Variants in NRG1 observed in about 807,000 individuals in gnomAD.
NRG1 encodes pro-neuregulin-1, membrane-bound isoform.
A neutral mutation model predicts 63.8 loss-of-function variants in NRG1; 18 were observed. That is an observed-to-expected ratio of 0.28 (90% CI 0.19 to 0.42). The LOEUF (loss-of-function observed/expected upper bound fraction) is 0.42. Ranked by LOEUF, NRG1 falls within the 10% of genes least tolerant of loss-of-function variation. The pLI, the probability that NRG1 is intolerant of heterozygous loss-of-function variation, is 1.00. For synonymous variants in NRG1, 302 were observed against 301.3 expected (o/e 1.00, Z -0.02); for missense variants, 762 against 814.7 (o/e 0.94, Z 0.79).
chr8:31,951,384 G>A (rs1306352087), intron 1 of NRG1, among the ~76,000 whole-genome samples: 4 of 152,174 alleles, frequency 2.6e-5, no homozygotes, highest in South Asian at 2.1e-4. Context: ...CTCCAGCCCC[G>A]TGAGTTGGAA....
At chr8:32,530,722 G>C (rs1259770943) in intron 1 of NRG1, among the ~76,000 whole-genome samples, 1 of 152,090 alleles carries the variant, frequency 6.6e-6, no homozygotes, top group African/African-American at 2.4e-5. Context: ...TTCTGTTCTA[G>C]TGAATAATGA....
chr8:32,257,381 T>C (rs188045945), intron 1 of NRG1, among the ~76,000 whole-genome samples: 1 of 152,176 alleles, frequency 6.6e-6, no homozygotes, highest in Non-Finnish European at 1.5e-5. Flanking sequence ...GGTAACCAGT[T>C]TTGTGCTTCA....
At chr8:32,427,178 A>C (rs1011366683) in intron 1 of NRG1, among the ~76,000 whole-genome samples, 1 of 152,202 alleles carries the variant, frequency 6.6e-6, no homozygotes, top group African/African-American at 2.4e-5. Context: ...TTAACTCTTT[A>C]AGCCCATAGA....
rs185031944 is a variant in NRG1, at chr8:31,649,422, G to A, written c.37+9991G>A. Among the ~76,000 whole-genome samples the A allele has an allele frequency of 7.2e-5, 11 of 152,274 alleles. No individual in the cohort carries two copies. In the East Asian group the frequency reaches 1.7e-3, roughly 24 times the overall value. ...TTTGATACTAGCCTTCCTAATGCAC[G>A]TGGAGTAGTGGTGAGCAGTTTTTAT... is the stretch of plus-strand genomic sequence containing the variant. On this transcript the variant is annotated intron_variant, in intron 1 of 10. Coordinates refer to the NRG1 transcript ENST00000519301.
intron 3 of NRG1, among the ~76,000 whole-genome samples, chr8:32,609,956 C>G (rs1464163623): frequency 6.6e-6 from 1 of 151,466 alleles, no homozygotes; most frequent in African/African-American, 2.4e-5. Flanking sequence ...CAGGTGTGAA[C>G]CATCACACCC....
At chr8:32,526,438 T>A (rs1242818892) in intron 1 of NRG1, among the ~76,000 whole-genome samples, 1 of 152,182 alleles carries the variant, frequency 6.6e-6, no homozygotes, top group Non-Finnish European at 1.5e-5. Flanking sequence ...TGACATCTCA[T>A]CATGTTTGCC....
chr8:32,499,466 C>T (rs1052143954), intron 1 of NRG1, among the ~76,000 whole-genome samples: 2 of 151,656 alleles, frequency 1.3e-5, no homozygotes, highest in African/African-American at 2.4e-5. Context: ...GAGAATTGCT[C>T]GAGGCCAGGA....
At chr8:31,741,665 G>GATGATCATTT (rs1183706161) in intron 1 of NRG1, among the ~76,000 whole-genome samples, 9 of 151,962 alleles carry the variant, frequency 5.9e-5, no homozygotes, top group Non-Finnish European at 1.3e-4. Flanking sequence ...ACCATACTGA[G>GATGATCATTT]ATGATCATTT....
At chr8:31,916,123 G>A (rs1833359675) in intron 1 of NRG1, among the ~76,000 whole-genome samples, 1 of 151,974 alleles carries the variant, frequency 6.6e-6, no homozygotes, top group African/African-American at 2.4e-5. Context: ...GATTATACTA[G>A]AACAGTTTGG....
At chr8:32,609,316 C>A (rs1845886341) in intron 3 of NRG1, among the ~76,000 whole-genome samples, 1 of 152,130 alleles carries the variant, frequency 6.6e-6, no homozygotes, top group Non-Finnish European at 1.5e-5. Flanking sequence ...GTCAAAGAAG[C>A]CTCAGTTGGG....
At chr8:32,220,457 G>A (rs1389425635) in intron 1 of NRG1, among the ~76,000 whole-genome samples, 1 of 152,110 alleles carries the variant, frequency 6.6e-6, no homozygotes, top group Non-Finnish European at 1.5e-5. Context: ...AGCCTGGAAA[G>A]AAAACTGGGG....
chr8:31,956,499 C>T (rs1287119051), intron 1 of NRG1, among the ~76,000 whole-genome samples: 1 of 152,076 alleles, frequency 6.6e-6, no homozygotes, highest in African/African-American at 2.4e-5. Flanking sequence ...GGGTGCCCCC[C>T]TGTAGTCCCA....
chr8:32,532,414 A>G (rs1563594216), intron 1 of NRG1, among the ~76,000 whole-genome samples: 1 of 152,156 alleles, frequency 6.6e-6, no homozygotes, highest in Non-Finnish European at 1.5e-5. Flanking sequence ...ATGACTTCCT[A>G]TCAGAAATGA....
At chr8:31,908,524 T>TA (rs1247783655) in intron 1 of NRG1, among the ~76,000 whole-genome samples, 1 of 152,178 alleles carries the variant, frequency 6.6e-6, no homozygotes, top group African/African-American at 2.4e-5. Context: ...CACTCACATT[T>TA]AAAAAATGCC....
intron 1 of NRG1, among the ~76,000 whole-genome samples, chr8:32,353,314 C>T (rs1364671976): frequency 2.7e-5 from 4 of 150,368 alleles, no homozygotes; most frequent in Non-Finnish European, 5.9e-5. Flanking sequence ...AGAAAAATCA[C>T]TGAATAAAGG....
intron 1 of NRG1, among the ~76,000 whole-genome samples, chr8:32,524,997 T>A (rs1173148611): frequency 6.6e-6 from 1 of 152,228 alleles, no homozygotes; most frequent in African/African-American, 2.4e-5. Context: ...CAAACAAATA[T>A]AATGCAATCC....
At chr8:31,836,217 A>T (rs544887084) in intron 1 of NRG1, among the ~76,000 whole-genome samples, 3 of 152,180 alleles carry the variant, frequency 2.0e-5, no homozygotes, top group Non-Finnish European at 4.4e-5. Flanking sequence ...TGTTACTTTG[A>T]ACTTTAGTAT....
chr8:32,557,254 A>G (rs758656573), intron 1 of NRG1, among the ~76,000 whole-genome samples: 71 of 151,876 alleles, frequency 4.7e-4, no homozygotes, highest in Non-Finnish European at 8.5e-4. Context: ...TGATTAACCC[A>G]CCTCGGCCTC....
intron 1 of NRG1, among the ~76,000 whole-genome samples, chr8:31,836,165 C>G (rs1012478492): frequency 6.6e-6 from 1 of 152,118 alleles, no homozygotes; most frequent in African/African-American, 2.4e-5. Context: ...CTCTTGACTT[C>G]TAGTTCATAA....
Sources: gnomAD v4.1 joint callset for allele counts (sites outside exome capture counted in the v4.1 genomes callset) on GRCh38, gnomAD v4.1.1 for gene constraint, MANE v1.5 for transcripts, NCBI Gene and HGNC (gene_info 2026-07-23, HGNC 2026-07-21) for gene names.